CREB3L2: variants seen among roughly 807,000 people sequenced by gnomAD.
CREB3L2 encodes cAMP responsive element binding protein 3 like 2.
A neutral mutation model predicts 57.2 loss-of-function variants in CREB3L2; 23 were observed. That is an observed-to-expected ratio of 0.40 (90% CI 0.29 to 0.57). The LOEUF (loss-of-function observed/expected upper bound fraction) is 0.57. Among genes scored for constraint, CREB3L2 ranks in the 20% least tolerant of loss-of-function variants. The pLI is 0.42. For missense variants in CREB3L2, 628 were observed against 634.7 expected, an observed-to-expected ratio of 0.99 and a Z score of 0.11; for synonymous variants, 268 against 265.1, an observed-to-expected ratio of 1.01 and a Z score of -0.11.
chr7:137,982,603 T>C (rs1199164344), intron 1 of CREB3L2, among the ~76,000 whole-genome samples: 1 of 152,220 alleles, frequency 6.6e-6, no homozygotes, highest in Admixed American at 6.5e-5. Flanking sequence ...AAGCTCTCTC[T>C]TGCTTGCCAC....
chr7:137,969,858 A>G (rs1801478141), intron 1 of CREB3L2, among the ~76,000 whole-genome samples: 1 of 152,060 alleles, frequency 6.6e-6, no homozygotes, highest in South Asian at 2.1e-4. Context: ...CAACTGATGG[A>G]TTTAGTCAAA....
intron 3 of CREB3L2, among the ~76,000 whole-genome samples, chr7:137,914,109 A>C (rs1267686232): frequency 6.6e-6 from 1 of 151,712 alleles, no homozygotes; most frequent in Non-Finnish European, 1.5e-5. Flanking sequence ...CTGTGCACCA[A>C]GCCACATCCT....
intron 8 of CREB3L2, among the ~76,000 whole-genome samples, chr7:137,895,245 C>T (rs1251386687): frequency 5.9e-5 from 9 of 152,176 alleles, no homozygotes; most frequent in Admixed American, 5.9e-4. Context: ...GTGGGGCCAT[C>T]CAGAAAGCTT....
rs1158084864 is a variant in CREB3L2 at position 137,918,044 on chromosome 7, T to C, written c.320-2032A>G. 2.6e-5 allele frequency among the ~76,000 whole-genome samples: 4 copies of C among 152,224 alleles called. No homozygotes were observed. The East Asian group carries it at 7.7e-4, about 29-fold the overall frequency. On this transcript the variant is annotated intron_variant, in intron 2 of 11. Transcript: ENST00000330387. ...AGCAACTGGACCACGAGCCAAAAGA[T>C]TCCGTTGACTCTCCCCAAAGGAGCT... is the stretch of plus-strand genomic sequence containing the variant.
At chr7:137,907,283 T>C (rs1370236408) in intron 5 of CREB3L2, among the ~76,000 whole-genome samples, 1 of 152,178 alleles carries the variant, frequency 6.6e-6, no homozygotes, top group Non-Finnish European at 1.5e-5. Flanking sequence ...AACATAGTTG[T>C]TGGGCAAGCA....
chr7:137,971,483 C>T lies in CREB3L2; in HGVS notation c.102+30121G>A, dbSNP rs369093114. Among the ~76,000 whole-genome samples, 158 of 151,718 alleles carry T rather than the reference C, an allele frequency of 1.0e-3. 5 individuals carry two copies. The South Asian group carries it at 0.032, about 31-fold the overall frequency. On this transcript the variant is annotated intron_variant, in intron 1 of 11. Transcript: ENST00000330387. Reference sequence around the variant, plus strand: ...AAAAAAAATTTTGGATGGGGGGAGACATTGTATGAAGGACACTAAGGCAAC... The same window carrying T: ...AAAAAAAATTTTGGATGGGGGGAGATATTGTATGAAGGACACTAAGGCAAC...
intron 1 of CREB3L2, among the ~76,000 whole-genome samples, chr7:137,953,149 C>T (rs1419972174): frequency 6.6e-6 from 1 of 152,192 alleles, no homozygotes; most frequent in African/African-American, 2.4e-5. Context: ...TTAGTAAGAC[C>T]TTTTAATGTA....
chr7:137,908,385 C>T lies in CREB3L2; in HGVS notation c.635G>A (p.Ser212Asn). ...LPPTPPSSHG[S>N]DSEGSLSPNP... ...GGGACTCAGGCTGCCCTCTGAGTCA[C>T]TGCCGTGACTGCTCGGAGGGGTGGG... Residue 212 changes from serine (S) to asparagine (N), a missense_variant, in exon 5 of 12, where the codon AGT (serine) becomes AAT (asparagine). Ser to Asn is a conservative substitution (Grantham distance 46). Coordinates refer to ENST00000330387, the MANE Select transcript of CREB3L2 (RefSeq NM_194071.4). The T allele has an allele frequency of 7.9e-7, 1 of 1,261,302 alleles. No homozygotes were observed. The highest frequency in any genetic ancestry group is 3.6e-5 in the South Asian group (1 of 27,592). 78.1% of individuals were successfully genotyped at this position (1,261,302 alleles called of 1,614,324 possible).
At chr7:137,955,794 C>T (rs562771703) in intron 1 of CREB3L2, among the ~76,000 whole-genome samples, 5 of 152,228 alleles carry the variant, frequency 3.3e-5, no homozygotes, top group Admixed American at 6.5e-5. Context: ...ACTAAGCATG[C>T]GGGAGTTATT....
intron 1 of CREB3L2, among the ~76,000 whole-genome samples, chr7:137,987,275 C>T (rs1801808459): frequency 6.6e-6 from 1 of 152,208 alleles, no homozygotes; most frequent in Non-Finnish European, 1.5e-5. Context: ...ACATCTACTG[C>T]CTAAGTCATC....
At chr7:137,948,032 G>A (rs1215199276) in intron 1 of CREB3L2, among the ~76,000 whole-genome samples, 4 of 152,134 alleles carry the variant, frequency 2.6e-5, no homozygotes, top group African/African-American at 9.7e-5. Flanking sequence ...CTGGCTCCCT[G>A]GATGAACAAG....
At chr7:137,999,840 A>T (rs555269743) in intron 1 of CREB3L2, 24 of 152,354 alleles carry the variant, frequency 1.6e-4, no homozygotes, top group African/African-American at 4.8e-4. Context: ...AGCATTTTTT[A>T]AAAATAGAAA....
chr7:137,999,690 A>G (rs1479786503), intron 1 of CREB3L2: 1 of 152,164 alleles, frequency 6.6e-6, no homozygotes, highest in East Asian at 1.9e-4. Flanking sequence ...TAACCCAATC[A>G]TTTGTGCTGC....
chr7:137,955,151 A>T lies in CREB3L2; in HGVS notation c.103-26785T>A, dbSNP rs1341916844. The T allele has an allele frequency of 2.2e-5, 11 of 500,460 alleles. No homozygotes were observed. The East Asian group carries it at 7.1e-4, about 32-fold the overall frequency. 31.0% of individuals were successfully genotyped at this position (500,460 alleles called of 1,614,324 possible). ...TTCTCACCAGGCTGACCTTTTTATA[A>T]GTGGTTACAGATACGCTACTACTTC... On this transcript the variant is annotated intron_variant, in intron 1 of 11. Transcript: ENST00000330387.
At chr7:137,972,236 C>G (rs1274021266) in intron 1 of CREB3L2, among the ~76,000 whole-genome samples, 1 of 151,808 alleles carries the variant, frequency 6.6e-6, no homozygotes, top group African/African-American at 2.4e-5. Flanking sequence ...GTCAGGAGTT[C>G]GAGACCAGCC....
chr7:137,979,542 G>A (rs1801675375), intron 1 of CREB3L2, among the ~76,000 whole-genome samples: 1 of 152,128 alleles, frequency 6.6e-6, no homozygotes, highest in Non-Finnish European at 1.5e-5. Flanking sequence ...TGGCTAACAT[G>A]GTGAAACCCC....
intron 2 of CREB3L2, among the ~76,000 whole-genome samples, chr7:137,925,254 G>C (rs1410195343): frequency 3.9e-5 from 6 of 152,058 alleles, no homozygotes; most frequent in Non-Finnish European, 8.8e-5. Context: ...AAATTAGGAG[G>C]GAGTTTCCAC....
intron 1 of CREB3L2, among the ~76,000 whole-genome samples, chr7:137,944,988 G>C (rs1800944055): frequency 6.6e-6 from 1 of 152,092 alleles, no homozygotes; most frequent in South Asian, 2.1e-4. Flanking sequence ...TGTCTCTCGG[G>C]CTCAAGCGAT....
chr7:137,972,728 TATATATATAG>T (rs1470478641), intron 1 of CREB3L2, among the ~76,000 whole-genome samples: 6 of 29,782 alleles, frequency 2.0e-4, no homozygotes, highest in African/African-American at 1.1e-3. Flanking sequence ...TATATATATA[TATATATATAG>T]AGAGAGAGAG....
Sources: gnomAD v4.1 joint callset for allele counts (sites outside exome capture counted in the v4.1 genomes callset) on GRCh38, gnomAD v4.1.1 for gene constraint, MANE v1.5 for transcripts, NCBI Gene and HGNC (gene_info 2026-07-23, HGNC 2026-07-21) for gene names.